ALMS1: variants seen among roughly 807,000 people sequenced by gnomAD.
ALMS1 encodes the protein ALMS1 centrosome and basal body associated protein.
Under a neutral mutation model 352.2 loss-of-function variants are expected in ALMS1, and 271 were observed. The ratio of observed to expected loss-of-function variants is 0.77; its 90% CI spans 0.70 to 0.85. The LOEUF is 0.85. ALMS1 is among the 40% of genes least tolerant of loss of function. The pLI, the probability that ALMS1 is intolerant of heterozygous loss-of-function variation, is 0.00. For missense variants in ALMS1, 5,445 were observed against 4,870.7 expected (o/e 1.12, Z -3.51); for synonymous variants, 1,865 against 1,761.2 (o/e 1.06, Z -1.48).
chr2:73,556,262 A>C (rs191957285), intron 13 of ALMS1, among the ~76,000 whole-genome samples: 1 of 150,628 alleles, frequency 6.6e-6, no homozygotes, highest in East Asian at 1.9e-4. Context: ...TGAAGTAATA[A>C]GAAGTAAGAA....
intron 15 of ALMS1, among the ~76,000 whole-genome samples, chr2:73,571,394 A>G (rs1395360761): frequency 2.6e-5 from 4 of 152,176 alleles, no homozygotes; most frequent in African/African-American, 9.7e-5. Flanking sequence ...CAGATCTAAG[A>G]TCAAGGCACC....
intron 21 of ALMS1, among the ~76,000 whole-genome samples, chr2:73,607,605 T>C (rs1322894654): frequency 6.6e-6 from 1 of 152,000 alleles, no homozygotes; most frequent in Non-Finnish European, 1.5e-5. Flanking sequence ...CTTCTCCCCA[T>C]TCCCTTTCTG....
chr2:73,445,590 ATTC>A (rs1032430165), intron 7 of ALMS1, among the ~76,000 whole-genome samples: 1 of 152,096 alleles, frequency 6.6e-6, no homozygotes, highest in East Asian at 1.9e-4. Flanking sequence ...GGGCTTGCTT[ATTC>A]TTCTTATGTC....
In ALMS1 at chr2:73,558,993, C is replaced by T. The variant is rs1674601152; in HGVS notation, c.10235C>T (p.Ala3412Val). 6.2e-7 allele frequency: 1 copy of T among 1,613,954 alleles called. No individual in the cohort carries two copies. Among genetic ancestry groups the T allele is most frequent in the Non-Finnish European group, 8.5e-7 (1 of 1,179,930 alleles). The change falls in exon 15 of 23, where the codon GCA becomes GTA. Residue 3412 changes from alanine to valine, a missense_variant. By Grantham distance (64) the Ala-to-Val change is moderately conservative. Coordinates refer to ENST00000613296, the MANE Select transcript of ALMS1 (RefSeq NM_001378454.1). ...DTADSSAAAA[A>V]EHSAQVGDPE... The stretch of plus-strand genomic sequence containing the variant: ...GTAGATTCCAGTGCTGCTGCTGCTG[C>T]AGAGCACTCAGCTCAAGTAGGAGAC...
Position 73,604,520 on chromosome 2 carries a change from G to A in ALMS1, c.12362+1216G>A, listed in dbSNP as rs527638003. On this transcript the variant is annotated intron_variant, in intron 21 of 22. Transcript: ENST00000613296. The stretch of plus-strand genomic sequence containing the variant: ...ATTCATTGGACACTTGCTTTAATAA[G>A]AATAGTTTCTTAGTTGGCATAATGC... 2.0e-4 allele frequency among the ~76,000 whole-genome samples: 30 copies of A among 152,308 alleles called. No homozygotes were observed. In the East Asian group the frequency reaches 5.6e-3, roughly 28 times the overall value.
chr2:73,482,150 T>A (rs1222766232), intron 9 of ALMS1, among the ~76,000 whole-genome samples: 1 of 152,254 alleles, frequency 6.6e-6, no homozygotes, highest in Non-Finnish European at 1.5e-5. Flanking sequence ...ATCCCTGTCT[T>A]GTGCCGGTTT....
At chr2:73,411,039 GC>G (rs1671067291) in intron 2 of ALMS1, among the ~76,000 whole-genome samples, 1 of 151,946 alleles carries the variant, frequency 6.6e-6, no homozygotes. Context: ...GTCGAATTGT[GC>G]CCTCCCAAAT....
chr2:73,422,551 T>C (rs1326745613), intron 3 of ALMS1, among the ~76,000 whole-genome samples: 3 of 152,160 alleles, frequency 2.0e-5, no homozygotes, highest in African/African-American at 4.8e-5. Context: ...GCTACTTGAA[T>C]GTGGACAAGT....
chr2:73,521,228 A>G (rs1673668624), intron 11 of ALMS1, among the ~76,000 whole-genome samples: 1 of 151,900 alleles, frequency 6.6e-6, no homozygotes, highest in Admixed American at 6.6e-5. Flanking sequence ...CAGTATAACA[A>G]ACAACCTAAA....
chr2:73,422,492 T>C (rs1209583192), intron 3 of ALMS1, among the ~76,000 whole-genome samples: 1 of 152,128 alleles, frequency 6.6e-6, no homozygotes, highest in Non-Finnish European at 1.5e-5. Context: ...GTTAAGAGCG[T>C]TTGCTAAAAG....
chr2:73,578,791 T>G (rs1297055591), intron 16 of ALMS1, among the ~76,000 whole-genome samples: 1 of 152,162 alleles, frequency 6.6e-6, no homozygotes, highest in Non-Finnish European at 1.5e-5. Context: ...ATGCATTCGT[T>G]TTTTAAATCA....
At chr2:73,536,173 T>C (rs2103994810) in intron 12 of ALMS1, among the ~76,000 whole-genome samples, 1 of 152,330 alleles carries the variant, frequency 6.6e-6, no homozygotes, top group African/African-American at 2.4e-5. Context: ...ACTTAATTGA[T>C]TGTAGGTAGG....
intron 1 of ALMS1, among the ~76,000 whole-genome samples, chr2:73,404,330 G>A (rs1034172590): frequency 1.3e-5 from 2 of 152,258 alleles, no homozygotes; most frequent in East Asian, 3.9e-4. Flanking sequence ...GAGTAGAAGG[G>A]TGAGAGCAAG....
intron 10 of ALMS1, among the ~76,000 whole-genome samples, chr2:73,496,310 C>T (rs1673105901): frequency 6.6e-6 from 1 of 152,150 alleles, no homozygotes; most frequent in Non-Finnish European, 1.5e-5. Flanking sequence ...TTTTGCCTTT[C>T]TAGAGTGTCA....
intron 10 of ALMS1, among the ~76,000 whole-genome samples, chr2:73,493,611 A>G (rs1673037926): frequency 6.6e-6 from 1 of 151,866 alleles, no homozygotes; most frequent in Non-Finnish European, 1.5e-5. Context: ...AATCCCAGCT[A>G]CTCAGGAGGC....
intron 16 of ALMS1, among the ~76,000 whole-genome samples, chr2:73,586,038 A>G (rs909582727): frequency 2.6e-5 from 4 of 152,108 alleles, no homozygotes; most frequent in Non-Finnish European, 5.9e-5. Context: ...GGGATTACAG[A>G]CATGAACCAT....
chr2:73,457,999 A>T (rs1572941541), intron 9 of ALMS1: 1 of 137,202 alleles, frequency 7.3e-6, no homozygotes, highest in South Asian at 2.3e-4. Flanking sequence ...GTGCCAGTGC[A>T]CTCCAGCCTA....
chr2:73,572,524 C>T lies in ALMS1; in HGVS notation c.10647C>T (p.Ser3549=), dbSNP rs922225565. 2 of 1,613,574 alleles carry T rather than the reference C, an allele frequency of 1.2e-6. No homozygotes were observed. The highest frequency in any genetic ancestry group is 2.7e-5 in the African/African-American group (2 of 74,878). Residue 3549 remains serine (S), a synonymous_variant, in exon 16 of 23, where the codon AGC becomes AGT. Transcript: ENST00000613296. ...KTDYTRIKSL[S]INVNLGNKEV... is the part of the protein sequence containing the mutation. ...ATTATACCAGAATAAAGAGCCTCAG[C>T]ATCAATGTGAATTTGGGAAACAAAG...
chr2:73,387,402 G>A lies in ALMS1; in HGVS notation c.324+1210G>A, dbSNP rs148337767. On this transcript the variant is annotated intron_variant, in intron 1 of 22. Transcript: ENST00000613296. ...AATATTCTATGAAAGCATAAAGTAA[G>A]ATAATCTGGCCTTGTCAGTGAAGTT... Among the ~76,000 whole-genome samples, 16 of 152,342 alleles carry A rather than the reference G, an allele frequency of 1.1e-4. No homozygotes were observed. In the East Asian group the frequency reaches 2.7e-3, roughly 26 times the overall value.
Sources: gnomAD v4.1 joint callset for allele counts (sites outside exome capture counted in the v4.1 genomes callset) on GRCh38, gnomAD v4.1.1 for gene constraint, MANE v1.5 for transcripts, NCBI Gene and HGNC (gene_info 2026-07-23, HGNC 2026-07-21) for gene names.